The following TEX55 variants were observed in gnomAD, a reference collection of about 807,000 sequenced individuals.
TEX55 encodes the protein testis expressed 55, also known as testis-specific expressed protein 55.
Under a neutral mutation model 44.6 loss-of-function variants are expected in TEX55, and 31 were observed. The observed-to-expected ratio is 0.69, with a 90% CI of 0.52 to 0.94. The LOEUF (loss-of-function observed/expected upper bound fraction) is 0.94. TEX55 is among the 40% of genes least tolerant of loss of function. The pLI is 0.00. For missense variants in TEX55, 639 were observed against 638.4 expected, an observed-to-expected ratio of 1.00 and a Z score of -0.01; for synonymous variants, 230 against 230.9, an observed-to-expected ratio of 1.00 and a Z score of 0.04.
Position 119,147,506 on chromosome 3 carries a change from T to G in TEX55, c.1317T>G (p.Leu439=). ...TSNFQAKDQA[L]FPRLPSISSK... is the part of the protein sequence containing the mutation. ...ACTTCCAAGCAAAAGACCAAGCTCT[T>G]TTCCCAAGACTCCCCTCCATCTCAT... The change falls in exon 1 of 3, where the codon CTT becomes CTG. Residue 439 remains leucine, a synonymous_variant. Coordinates refer to ENST00000295622, the MANE Select transcript of TEX55 (RefSeq NM_152539.3). The G allele has an allele frequency of 1.9e-6, 3 of 1,614,128 alleles. No individual in the cohort carries two copies. The South Asian group carries it at 3.3e-5, about 18-fold the overall frequency.
Position 119,146,194 on chromosome 3 carries a change from A to G in TEX55, c.5A>G (p.Glu2Gly). The change falls in exon 1 of 3, where the codon GAA becomes GGA. Residue 2 changes from glutamate (E) to glycine (G), a missense_variant. Transcript: ENST00000295622. ...CAGTCAGGGACGCGGCAGGAAATGG[A>G]AGAGCCTCCGCAAGAGGCTCTGGCT... M[E>G]EPPQEALAEP... 1 of 1,591,398 alleles carries G rather than the reference A, an allele frequency of 6.3e-7. No homozygotes were observed. Among genetic ancestry groups the G allele is most frequent in the South Asian group, 1.1e-5 (1 of 88,796 alleles).
At position 119,146,854 on chromosome 3, in the gene TEX55, C is replaced by A; in HGVS notation, c.665C>A (p.Pro222His). Reference protein sequence around the residue: ...HRLSKLSERRPSVQIDSGSSV... With the variant: ...HRLSKLSERRHSVQIDSGSSV... ...TTATCCAAACTATCTGAGAGAAGACCTTCTGTGCAGATTGACAGTGGGTCA... is the reference window on the plus strand; with the variant it reads ...TTATCCAAACTATCTGAGAGAAGACATTCTGTGCAGATTGACAGTGGGTCA... Residue 222 changes from proline (P) to histidine (H), a missense_variant, in exon 1 of 3, where the codon CCT (proline) becomes CAT (histidine). By Grantham distance (77) the Pro-to-His change is moderately conservative (BLOSUM62 -2). Coordinates refer to ENST00000295622, the MANE Select transcript of TEX55 (RefSeq NM_152539.3). The A allele has an allele frequency of 6.2e-7, 1 of 1,614,220 alleles. No individual in the cohort carries two copies. Among genetic ancestry groups the A allele is most frequent in the Non-Finnish European group, 8.5e-7 (1 of 1,180,026 alleles).
rs1241251314 is a variant in TEX55, at chr3:119,147,200, T to C, written c.1011T>C (p.Asn337=). 6.2e-7 allele frequency: 1 copy of C among 1,614,136 alleles called. No homozygotes were observed. The highest frequency in any genetic ancestry group is 1.7e-5 in the Admixed American group (1 of 60,020). Residue 337 remains asparagine (N), a synonymous_variant, in exon 1 of 3, where the codon AAT becomes AAC. Transcript: ENST00000295622. ...ATGCTGATCAACCTCCAGTTGACAA[T>C]GCTCACTACACTGAATCTGACCAGA... ...HSNADQPPVD[N]AHYTESDQTD...
intron 1 of TEX55, 40 bp from the exon 2 acceptor site, chr3:119,148,140 G>T: frequency 1.3e-6 from 2 of 1,582,222 alleles, no homozygotes; most frequent in Non-Finnish European, 1.7e-6. Flanking sequence ...GGCCCTTCAG[G>T]TTTACTAAGG....
Position 119,146,206 on chromosome 3 carries a change from A to G in TEX55, c.17A>G (p.Gln6Arg), listed in dbSNP as rs371560180. MEEPP[Q>R]EALAEPLKHE... is the part of the protein sequence containing the mutation. ...CGGCAGGAAATGGAAGAGCCTCCGCAAGAGGCTCTGGCTGAACCCTTGAAA... is the reference window on the plus strand; with the variant it reads ...CGGCAGGAAATGGAAGAGCCTCCGCGAGAGGCTCTGGCTGAACCCTTGAAA... The change falls in exon 1 of 3, where the codon CAA (glutamine) becomes CGA (arginine). Residue 6 changes from glutamine (Q) to arginine (R), a missense_variant. Coordinates refer to ENST00000295622, the MANE Select transcript of TEX55 (RefSeq NM_152539.3). The G allele has an allele frequency of 6.3e-7, 1 of 1,597,182 alleles. No homozygotes were observed. Among genetic ancestry groups the G allele is most frequent in the South Asian group, 1.1e-5 (1 of 90,312 alleles).
chr3:119,146,204 G>GCA lies in TEX55; in HGVS notation c.16_17dup (p.Gln6HisfsTer9), dbSNP rs1559890919. On this transcript the variant is annotated frameshift_variant, in exon 1 of 3. Transcript: ENST00000295622. LOFTEE classifies it high-confidence loss of function. ...CGCGGCAGGAAATGGAAGAGCCTCC[G>GCA]CAAGAGGCTCTGGCTGAACCCTTGA... is the stretch of plus-strand genomic sequence containing the variant. 2.6e-6 allele frequency: 4 copies of GCA among 1,532,946 alleles called. No homozygotes were observed. The highest frequency in any genetic ancestry group is 3.5e-6 in the Non-Finnish European group (4 of 1,130,680). 95.0% of individuals were successfully genotyped at this position (1,532,946 alleles called of 1,614,324 possible).
Position 119,146,882 on chromosome 3 carries a change from C to T in TEX55, c.693C>T (p.Ser231=), listed in dbSNP as rs114171958. 515 of 1,614,054 alleles carry T rather than the reference C, an allele frequency of 3.2e-4. 3 individuals are homozygous for T. In the African/African-American group the frequency reaches 6.0e-3, roughly 19 times the overall value. The change falls in exon 1 of 3, where the codon TCC becomes TCT. Residue 231 remains serine (S), a synonymous_variant. Transcript: ENST00000295622. ...RPSVQIDSGS[S]VPSDQSPSVQ... ...CTGTGCAGATTGACAGTGGGTCATC[C>T]GTCCCATCTGACCAAAGTCCTTCTG...
At chr3:119,147,841 G>T (rs1054477790) in intron 1 of TEX55, among the ~76,000 whole-genome samples, 1 of 152,192 alleles carries the variant, frequency 6.6e-6, no homozygotes, top group African/African-American at 2.4e-5. Flanking sequence ...CAGGAAACCT[G>T]CATTTTAAGT....
chr3:119,146,217 G>A lies in TEX55; in HGVS notation c.28G>A (p.Ala10Thr). 6.2e-7 allele frequency: 1 copy of A among 1,612,966 alleles called. No individual in the cohort carries two copies. The highest frequency in any genetic ancestry group is 1.1e-5 in the South Asian group (1 of 90,944). The change falls in exon 1 of 3, where the codon GCT (alanine) becomes ACT (threonine). Residue 10 changes from alanine to threonine, a missense_variant. Physicochemically the swap from Ala to Thr is moderately conservative, Grantham distance 58. Coordinates refer to ENST00000295622, the MANE Select transcript of TEX55 (RefSeq NM_152539.3). ...GGAAGAGCCTCCGCAAGAGGCTCTG[G>A]CTGAACCCTTGAAACATGAAAGCCC... is the stretch of plus-strand genomic sequence containing the variant. MEEPPQEAL[A>T]EPLKHESPAA...
chr3:119,147,569 A>G lies in TEX55; in HGVS notation c.1380A>G (p.Gln460=), dbSNP rs2077740056. Residue 460 remains glutamine, a synonymous_variant, in exon 1 of 3, where the codon CAA becomes CAG. Coordinates refer to ENST00000295622, the MANE Select transcript of TEX55 (RefSeq NM_152539.3). ...ATACCAGCAGTCAAGAAAAAACTCAAGCCATAGTAACCAAATCTGTAAGTT... is the reference window on the plus strand; with the variant it reads ...ATACCAGCAGTCAAGAAAAAACTCAGGCCATAGTAACCAAATCTGTAAGTT... The part of the protein sequence containing the change: ...LNYTSSQEKT[Q]AIVTKSDEFS... The G allele has an allele frequency of 1.2e-6, 2 of 1,613,074 alleles. No individual in the cohort carries two copies. Among genetic ancestry groups the G allele is most frequent in the Non-Finnish European group, 1.7e-6 (2 of 1,179,692 alleles).
At chr3:119,147,684 GC>G in intron 1 of TEX55, 97 bp downstream of exon 1, 2 of 1,016,164 alleles carry the variant, frequency 2.0e-6, no homozygotes, top group Non-Finnish European at 2.9e-6. Flanking sequence ...GGCACATGTT[GC>G]ATCAAGGATA....
Position 119,147,133 on chromosome 3 carries a change from C to G in TEX55, c.944C>G (p.Thr315Ser). ...CACCACCAAGTGTACGGCCAAGCCACTGAACTAGCTGAACACCAGGCTATT... is the reference window on the plus strand; with the variant it reads ...CACCACCAAGTGTACGGCCAAGCCAGTGAACTAGCTGAACACCAGGCTATT... Reference protein sequence around the residue: ...KTHHQVYGQATELAEHQAIDQ... With the variant: ...KTHHQVYGQASELAEHQAIDQ... The change falls in exon 1 of 3, where the codon ACT becomes AGT. Residue 315 changes from threonine (T) to serine (S), a missense_variant. Thr to Ser is a moderately conservative substitution (Grantham distance 58, BLOSUM62 1). Transcript: ENST00000295622. 1 of 1,614,188 alleles carries G rather than the reference C, an allele frequency of 6.2e-7. No individual in the cohort carries two copies. The highest frequency in any genetic ancestry group is 8.5e-7 in the Non-Finnish European group (1 of 1,180,038).
chr3:119,148,290 C>T lies in TEX55; in HGVS notation c.1509C>T (p.Tyr503=), dbSNP rs2077749867. ...ATCCTTACCAAGTTTCACTCCAATA[C>T]ATGGAAAAACACCACATTCTGCAAA... ...YEDPYQVSLQ[Y]MEKHHILQIF... is the part of the protein sequence containing the mutation. Residue 503 remains tyrosine, a synonymous_variant, in exon 2 of 3, where the codon TAC becomes TAT. Transcript: ENST00000295622. 3 of 1,611,402 alleles carry T rather than the reference C, an allele frequency of 1.9e-6. No homozygotes were observed. The East Asian group carries it at 6.7e-5, about 36-fold the overall frequency.
Position 119,148,325 on chromosome 3 carries a change from T to TAAAC in TEX55, c.1542+3_1542+6dup. 1 of 1,609,340 alleles carries TAAAC rather than the reference T, an allele frequency of 6.2e-7. No individual in the cohort carries two copies. Among genetic ancestry groups the TAAAC allele is most frequent in the Non-Finnish European group, 8.5e-7 (1 of 1,178,750 alleles). ...CACCACATTCTGCAAATATTCCAGG[T>TAAAC]AAACCTCTCAATTCCTCTCTTTAAT... On this transcript the variant is annotated splice_region_variant and intron_variant, in intron 2 of 2. Transcript: ENST00000295622.
intron 2 of TEX55, among the ~76,000 whole-genome samples, chr3:119,148,730 T>TA (rs1329710709): frequency 3.9e-5 from 6 of 152,222 alleles, no homozygotes; most frequent in Non-Finnish European, 8.8e-5. Context: ...TCAGTGTACT[T>TA]ACACAAATCT....
Position 119,146,263 on chromosome 3 carries a change from G to C in TEX55, c.74G>C (p.Gly25Ala). The C allele has an allele frequency of 1.2e-6, 2 of 1,613,990 alleles. No individual in the cohort carries two copies. The highest frequency in any genetic ancestry group is 4.5e-5 in the East Asian group (2 of 44,806). Residue 25 changes from glycine to alanine, a missense_variant, in exon 1 of 3, where the codon GGC becomes GCC. Coordinates refer to ENST00000295622, the MANE Select transcript of TEX55 (RefSeq NM_152539.3). ...AGCCCAGCCGCTCCCTCAAGTGCTG[G>C]CCACACTAAGGGCCAGGAAGAAGAC... Reference protein sequence around the residue: ...HESPAAPSSAGHTKGQEEDDQ... With the variant: ...HESPAAPSSAAHTKGQEEDDQ...
At chr3:119,148,542 T>C (rs1026447880) in intron 2 of TEX55, among the ~76,000 whole-genome samples, 2 of 152,168 alleles carry the variant, frequency 1.3e-5, no homozygotes, top group Non-Finnish European at 2.9e-5. Context: ...AGGGAAAAAC[T>C]TGGCCAAGGG....
intron 2 of TEX55, among the ~76,000 whole-genome samples, chr3:119,150,488 C>A (rs2077771509): frequency 6.6e-6 from 1 of 151,922 alleles, no homozygotes; most frequent in Non-Finnish European, 1.5e-5. Context: ...GATTTTTATG[C>A]CCTGCAAGTG....
At chr3:119,149,813 C>T (rs1199652137) in intron 2 of TEX55, among the ~76,000 whole-genome samples, 1 of 152,142 alleles carries the variant, frequency 6.6e-6, no homozygotes, top group Non-Finnish European at 1.5e-5. Flanking sequence ...AATCTCGTGA[C>T]CATCTAAGAA....
Sources: allele counts gnomAD v4.1 joint callset (sites outside exome capture counted in the v4.1 genomes callset), GRCh38; gene constraint gnomAD v4.1.1; transcripts MANE v1.5; gene names NCBI Gene and HGNC (gene_info 2026-07-23, HGNC 2026-07-21).